ZNF469: variants seen among roughly 807,000 people sequenced by gnomAD.
The protein encoded by ZNF469 is zinc finger protein 469.
Under a neutral mutation model 1.0 loss-of-function variants are expected in ZNF469, and 1 was observed. The observed-to-expected ratio is 1.00, with a 90% CI of 0.35 to 4.73. The LOEUF (loss-of-function observed/expected upper bound fraction) is 4.73. Ranked by LOEUF, ZNF469 falls within the 30% of genes most tolerant of loss-of-function variation. The pLI, the probability that ZNF469 is intolerant of heterozygous loss-of-function variation, is 0.16. For synonymous variants in ZNF469, 2,703 were observed against 2,363.4 expected (o/e 1.14, Z -4.17); for missense variants, 6,100 against 5,356.3 (o/e 1.14, Z -4.33).
chr16:88,223,231 T>C, the ZNF469 span, among the ~76,000 whole-genome samples: 1 of 152,198 alleles, frequency 6.6e-6, no homozygotes, highest in Non-Finnish European at 1.5e-5. Flanking sequence ...GGGGGCCGTT[T>C]CCTCTATTCT....
chr16:88,134,031 G>A, the ZNF469 span, among the ~76,000 whole-genome samples: 1 of 152,224 alleles, frequency 6.6e-6, no homozygotes, highest in Non-Finnish European at 1.5e-5. Flanking sequence ...CCCGGAGGTG[G>A]AGGCTGCTGC....
the ZNF469 span, among the ~76,000 whole-genome samples, chr16:88,359,178 T>G: frequency 2.0e-5 from 3 of 151,784 alleles, no homozygotes; most frequent in Non-Finnish European, 4.4e-5. Flanking sequence ...CATTTGCTAT[T>G]GTCTGCTTCA....
chr16:88,176,732 C>T, the ZNF469 span, among the ~76,000 whole-genome samples: 83 of 152,260 alleles, frequency 5.5e-4, 1 homozygote, highest in Non-Finnish European at 6.0e-4. Context: ...GGCCTGCCGG[C>T]CCACATACAG....
the ZNF469 span, among the ~76,000 whole-genome samples, chr16:88,306,924 G>A: frequency 1.4e-4 from 22 of 152,216 alleles, no homozygotes; most frequent in Non-Finnish European, 2.2e-4. Flanking sequence ...TTGTGCAACC[G>A]TCACCACTAT....
At chr16:88,396,489 AGGAGACCCTCATGAAGGGAGGCCAGGC>A (rs1904665253) in intron 1 of ZNF469, among the ~76,000 whole-genome samples, 1 of 147,712 alleles carries the variant, frequency 6.8e-6, no homozygotes, top group African/African-American at 2.5e-5. Flanking sequence ...GGAGGCCGGG[AGGAGACCCTCATGAAGGGAGGCCAGGC>A]GGAGACCCGT....
At position 88,427,436 on chromosome 16, in the gene ZNF469, C is replaced by G. The variant is rs1270020489; in HGVS notation, c.-35C>G. On this transcript the variant is annotated 5_prime_UTR_variant, in exon 3 of 3. Coordinates refer to ENST00000565624, the MANE Select transcript of ZNF469 (RefSeq NM_001367624.2). ...CCCACTCCCCAGGGCCCCCCTCGGA[C>G]AGCTGCGTCGTCCTAGCGCCAGGAC... The G allele has an allele frequency of 4.1e-6, 6 of 1,453,036 alleles. No homozygotes were observed. In the East Asian group the frequency reaches 7.5e-5, roughly 18 times the overall value. 90.0% of individuals were successfully genotyped at this position (1,453,036 alleles called of 1,614,324 possible). A position where few individuals can be genotyped will look rare whatever the true frequency, so the allele number is the denominator to read the frequency against.
chr16:88,292,753 C>G, the ZNF469 span, among the ~76,000 whole-genome samples: 3 of 138,566 alleles, frequency 2.2e-5, no homozygotes, highest in South Asian at 6.7e-4. Flanking sequence ...AGACTCTGCC[C>G]TGAGTCACTT....
the ZNF469 span, among the ~76,000 whole-genome samples, chr16:88,275,693 C>T: frequency 6.6e-6 from 1 of 152,308 alleles, no homozygotes; most frequent in Middle Eastern, 3.4e-3. Flanking sequence ...GCTTCTAAAC[C>T]GGTGTTTGTC....
chr16:88,128,046 G>T, the ZNF469 span, among the ~76,000 whole-genome samples: 1 of 152,194 alleles, frequency 6.6e-6, no homozygotes, highest in Non-Finnish European at 1.5e-5. Flanking sequence ...TGCCCGTTTA[G>T]GTCTCAGCCC....
At chr16:88,128,792 C>A in the ZNF469 span, among the ~76,000 whole-genome samples, 1 of 152,240 alleles carries the variant, frequency 6.6e-6, no homozygotes, top group East Asian at 1.9e-4. Flanking sequence ...CTGGGATAGT[C>A]CAGACAGAGC....
the ZNF469 span, among the ~76,000 whole-genome samples, chr16:88,184,246 G>A: frequency 2.6e-5 from 4 of 152,086 alleles, no homozygotes; most frequent in Admixed American, 1.3e-4. Context: ...GCCGAATTCC[G>A]GGGTCACGGC....
At chr16:88,315,141 G>C in the ZNF469 span, among the ~76,000 whole-genome samples, 4 of 152,242 alleles carry the variant, frequency 2.6e-5, no homozygotes, top group Non-Finnish European at 4.4e-5. Flanking sequence ...ATTTTGGTGA[G>C]AGCCAGGGGC....
At chr16:88,105,661 G>A in the ZNF469 span, among the ~76,000 whole-genome samples, 2 of 152,192 alleles carry the variant, frequency 1.3e-5, no homozygotes, top group African/African-American at 4.8e-5. Flanking sequence ...ACCCCAGGCA[G>A]GATTAGCAAA....
intron 1 of ZNF469, among the ~76,000 whole-genome samples, chr16:88,412,595 A>T (rs1905201542): frequency 6.6e-6 from 1 of 152,162 alleles, no homozygotes; most frequent in Admixed American, 6.5e-5. Context: ...GTTGCCCCAG[A>T]CTGGGCCCTG....
At chr16:88,319,528 C>T in the ZNF469 span, among the ~76,000 whole-genome samples, 2 of 152,292 alleles carry the variant, frequency 1.3e-5, no homozygotes, top group East Asian at 3.9e-4. Context: ...TGCCAATGAT[C>T]CCTTTTCCAT....
At chr16:88,187,873 C>T in the ZNF469 span, among the ~76,000 whole-genome samples, 2 of 152,090 alleles carry the variant, frequency 1.3e-5, no homozygotes, top group Admixed American at 1.3e-4. Flanking sequence ...ACATTGACTG[C>T]CCTCTCCTCC....
chr16:88,328,426 G>A, the ZNF469 span, among the ~76,000 whole-genome samples: 10 of 152,138 alleles, frequency 6.6e-5, no homozygotes, highest in Non-Finnish European at 1.5e-5. Flanking sequence ...CCAGGAAAAC[G>A]CCATGGCAGT....
chr16:88,186,322 C>T, the ZNF469 span, among the ~76,000 whole-genome samples: 2 of 152,196 alleles, frequency 1.3e-5, no homozygotes, highest in African/African-American at 2.4e-5. Context: ...CTTGGCCTTT[C>T]CCCTCTTTCC....
chr16:88,281,741 G>A, the ZNF469 span, among the ~76,000 whole-genome samples: 52 of 151,394 alleles, frequency 3.4e-4, no homozygotes, highest in South Asian at 2.1e-3. Context: ...CCACACTGAC[G>A]CTTGGTCAGT....
Sources: allele counts gnomAD v4.1 joint callset (sites outside exome capture counted in the v4.1 genomes callset), GRCh38; gene constraint gnomAD v4.1.1; transcripts MANE v1.5; gene names NCBI Gene and HGNC (gene_info 2026-07-23, HGNC 2026-07-21).